Variants in RGS9 observed in about 807,000 individuals in gnomAD.
RGS9 encodes regulator of G-protein signalling 9.
A neutral mutation model predicts 102.0 loss-of-function variants in RGS9; 78 were observed. The ratio of observed to expected loss-of-function variants is 0.76; its 90% CI spans 0.64 to 0.92. The LOEUF is 0.92. RGS9 is among the 40% of genes least tolerant of loss of function. The pLI, the probability that RGS9 is intolerant of heterozygous loss-of-function variation, is 0.00. For missense variants in RGS9, 833 were observed against 866.1 expected, an observed-to-expected ratio of 0.96 and a Z score of 0.48; for synonymous variants, 353 against 318.6, an observed-to-expected ratio of 1.11 and a Z score of -1.15.
rs570516310 is a variant in RGS9, at chr17:65,141,768, G to A, written c.57+4171G>A. ...CAGGACAGATTTTACAAGGGGGCTT[G>A]CAATGGAGTCGAATTATAAAAAGTC... On this transcript the variant is annotated intron_variant, in intron 1 of 18. Coordinates refer to ENST00000262406, the MANE Select transcript of RGS9 (RefSeq NM_003835.4). 2.0e-5 allele frequency among the ~76,000 whole-genome samples: 3 copies of A among 152,326 alleles called. No homozygotes were observed. The East Asian group carries it at 5.8e-4, about 29-fold the overall frequency.
At chr17:65,153,219 C>T (rs1240186869) in intron 1 of RGS9, among the ~76,000 whole-genome samples, 1 of 152,206 alleles carries the variant, frequency 6.6e-6, no homozygotes, top group African/African-American at 2.4e-5. Context: ...TCTTCACATG[C>T]AGGGATGGGA....
In RGS9 at chr17:65,227,403, T is replaced by C. The variant is rs373896877; in HGVS notation, c.2021T>C (p.Leu674Pro). Residue 674 changes from leucine to proline, a missense_variant, in exon 19 of 19, where the codon CTG (leucine) becomes CCG (proline). Physicochemically the swap from Leu to Pro is moderately conservative, Grantham distance 98. Transcript: ENST00000262406. ...EKEVICPWES[L>P] ...GAGGTCATCTGCCCCTGGGAGAGCC[T>C]GTAAGGAAAGAGGCAGGCTGAGCTG... 141 of 1,613,108 alleles carry C rather than the reference T, an allele frequency of 8.7e-5. No homozygotes were observed. The highest frequency in any genetic ancestry group is 1.2e-4 in the Non-Finnish European group (137 of 1,179,526).
At chr17:65,204,822 A>G (rs944185121) in intron 15 of RGS9, among the ~76,000 whole-genome samples, 8 of 152,218 alleles carry the variant, frequency 5.3e-5, no homozygotes, top group Non-Finnish European at 1.0e-4. Context: ...GCTCAAAGAC[A>G]GCCCACAAGT....
At chr17:65,160,937 G>T (rs746971532) in intron 6 of RGS9, 28 bp downstream of exon 6, 2 of 1,572,240 alleles carry the variant, frequency 1.3e-6, no homozygotes, top group Non-Finnish European at 1.8e-6. Flanking sequence ...AGTAGAGGTT[G>T]TTATAATTGA....
rs149352736 is a variant in RGS9 at position 65,174,644 on chromosome 17, C to T, written c.583-3088C>T. 1.3e-4 allele frequency among the ~76,000 whole-genome samples: 20 copies of T among 150,624 alleles called. 2 individuals are homozygous for T. In the East Asian group the frequency reaches 2.4e-3, roughly 18 times the overall value. The stretch of plus-strand genomic sequence containing the variant: ...GTAAACATATATGTGTCAGTATGCA[C>T]GTGTGTGAGTGTGTGAATGTGTTAT... On this transcript the variant is annotated intron_variant, in intron 8 of 18. Transcript: ENST00000262406.
At chr17:65,177,689 G>A in intron 8 of RGS9, 43 bp from the exon 9 acceptor site, 1 of 1,566,138 alleles carries the variant, frequency 6.4e-7, no homozygotes, top group Non-Finnish European at 8.8e-7. Context: ...AGAAACTGGA[G>A]ACTCTCCCTG....
At chr17:65,183,316 T>A (rs1250875733) in intron 9 of RGS9, among the ~76,000 whole-genome samples, 1 of 152,252 alleles carries the variant, frequency 6.6e-6, no homozygotes, top group East Asian at 1.9e-4. Context: ...AGAGACAAGG[T>A]TGTGTCTTTT....
intron 17 of RGS9, among the ~76,000 whole-genome samples, chr17:65,218,656 C>T (rs1056552940): frequency 3.2e-4 from 48 of 152,290 alleles, no homozygotes; most frequent in African/African-American, 1.1e-3. Context: ...TCTCTCTTTC[C>T]TCCCCCTTTC....
In RGS9 at chr17:65,199,639, G is replaced by A. The variant is rs539719108; in HGVS notation, c.977-2354G>A. On this transcript the variant is annotated intron_variant, in intron 13 of 18. Coordinates refer to ENST00000262406, the MANE Select transcript of RGS9 (RefSeq NM_003835.4). ...CTCCCAAGTAGCTGGGATTACAGGCGCCCGCCACCATGCCCAGCTAATTTT... is the reference window on the plus strand; with the variant it reads ...CTCCCAAGTAGCTGGGATTACAGGCACCCGCCACCATGCCCAGCTAATTTT... 9.9e-5 allele frequency among the ~76,000 whole-genome samples: 15 copies of A among 151,686 alleles called. 1 individual carries two copies. The East Asian group carries it at 1.7e-3, about 18-fold the overall frequency.
chr17:65,155,575 C>T (rs895345948), intron 2 of RGS9, among the ~76,000 whole-genome samples: 13 of 152,184 alleles, frequency 8.5e-5, no homozygotes, highest in African/African-American at 3.1e-4. Flanking sequence ...GGGTCTCATG[C>T]TGTCTCCCAG....
At chr17:65,147,930 C>G (rs892740789) in intron 1 of RGS9, among the ~76,000 whole-genome samples, 2 of 136,754 alleles carry the variant, frequency 1.5e-5, no homozygotes, top group Non-Finnish European at 3.2e-5. Context: ...GTGAGAACAT[C>G]TCACACGAGA....
intron 14 of RGS9, 79 bp from the exon 15 acceptor site, chr17:65,204,083 CT>C (rs1912954049): frequency 6.4e-7 from 1 of 1,552,284 alleles, no homozygotes; most frequent in Admixed American, 1.7e-5. Flanking sequence ...CGTATCAGTC[CT>C]TCCCTCCCAA....
At chr17:65,151,328 G>T (rs1781252640) in intron 1 of RGS9, among the ~76,000 whole-genome samples, 2 of 143,782 alleles carry the variant, frequency 1.4e-5, no homozygotes, top group Non-Finnish European at 3.0e-5. Flanking sequence ...CTGGGCGACA[G>T]AGGAAGACCT....
intron 17 of RGS9, among the ~76,000 whole-genome samples, chr17:65,224,366 G>T (rs1481042282): frequency 1.6e-5 from 2 of 127,338 alleles, no homozygotes; most frequent in Non-Finnish European, 3.3e-5. Context: ...CCCCAGCCTG[G>T]CCTGGTTCCA....
In RGS9 at chr17:65,207,924, T is replaced by A; in HGVS notation, c.1206T>A (p.Asp402Glu). 1 of 1,609,854 alleles carries A rather than the reference T, an allele frequency of 6.2e-7. No homozygotes were observed. Among genetic ancestry groups the A allele is most frequent in the Non-Finnish European group, 8.5e-7 (1 of 1,176,362 alleles). ...QTHIYMLMKK[D>E]SYARYLKSPI... Reference sequence around the variant, plus strand: ...TGTTGTTTTCTTGTTCCCACTAGGATTCTTATGCTCGCTATTTAAAATCTC... The same window carrying A: ...TGTTGTTTTCTTGTTCCCACTAGGAATCTTATGCTCGCTATTTAAAATCTC... Residue 402 changes from aspartate to glutamate, a missense_variant and splice_region_variant, in exon 16 of 19, where the codon GAT becomes GAA. Coordinates refer to ENST00000262406, the MANE Select transcript of RGS9 (RefSeq NM_003835.4).
At chr17:65,186,331 A>AC (rs1295300926) in intron 9 of RGS9, among the ~76,000 whole-genome samples, 2 of 142,120 alleles carry the variant, frequency 1.4e-5, no homozygotes, top group South Asian at 5.2e-4. Flanking sequence ...CCTCCACCCC[A>AC]CCCCCCACCA....
At chr17:65,211,190 C>A (rs115703813) in intron 17 of RGS9, among the ~76,000 whole-genome samples, 1,712 of 152,326 alleles carry the variant, frequency 0.011, 30 homozygotes, top group African/African-American at 0.04. Context: ...GTTTCCAAAT[C>A]ATTCTGAGGA....
intron 15 of RGS9, among the ~76,000 whole-genome samples, chr17:65,204,761 T>TTATAATAACATCA (rs1183916832): frequency 1.3e-5 from 2 of 152,192 alleles, no homozygotes; most frequent in East Asian, 3.8e-4. Context: ...ACAGCCATCA[T>TTATAATAACATCA]TCGTTGAGGG....
rs965543324 is a variant in RGS9, at chr17:65,173,575, C to T, written c.583-4157C>T. Among the ~76,000 whole-genome samples, 3 of 152,190 alleles carry T rather than the reference C, an allele frequency of 2.0e-5. No homozygotes were observed. Among genetic ancestry groups the T allele is most frequent in the Non-Finnish European group, 4.4e-5 (3 of 68,032 alleles). ...GGGGGCGGGGTCATACCCTGGTGTTCACAGTTCCTCAGGGTGGAGGAGGGG... is the reference window on the plus strand; with the variant it reads ...GGGGGCGGGGTCATACCCTGGTGTTTACAGTTCCTCAGGGTGGAGGAGGGG... On this transcript the variant is annotated intron_variant, in intron 8 of 18. Transcript: ENST00000262406. The surrounding 1 kb of genome is among the most constrained non-coding windows in gnomAD (Gnocchi z 4.8).
Sources: allele counts gnomAD v4.1 joint callset (sites outside exome capture counted in the v4.1 genomes callset), GRCh38; gene constraint gnomAD v4.1.1; non-coding constraint Gnocchi (gnomAD v3.1); transcripts MANE v1.5; gene names NCBI Gene and HGNC (gene_info 2026-07-23, HGNC 2026-07-21).